ADAMTS17: variants seen among roughly 807,000 people sequenced by gnomAD.
The protein encoded by ADAMTS17 is ADAM metallopeptidase with thrombospondin type 1 motif 17, also known as A disintegrin and metalloproteinase with thrombospondin motifs 17.
ADAMTS17 carries 113 observed loss-of-function variants against 141.5 expected under a neutral mutation model. The observed-to-expected ratio is 0.80, with a 90% CI of 0.69 to 0.93. The LOEUF (loss-of-function observed/expected upper bound fraction) is 0.93, where lower values mean the gene tolerates loss of function less well. ADAMTS17 is among the 40% of genes least tolerant of loss of function. The probability of loss-of-function intolerance (pLI) is 0.00; values close to 1 mark genes in which losing one functional copy is unlikely to be tolerated. For missense variants in ADAMTS17, 1,659 were observed against 1,517.9 expected, an observed-to-expected ratio of 1.09 and a Z score of -1.54; for synonymous variants, 768 against 630.6, an observed-to-expected ratio of 1.22 and a Z score of -3.27.
At chr15:100,199,467 G>T in intron 7 of ADAMTS17, 44 bp from the exon 8 acceptor site, 1 of 1,563,296 alleles carries the variant, frequency 6.4e-7, no homozygotes, top group Non-Finnish European at 8.8e-7. Flanking sequence ...AACGTGGGAG[G>T]CCCTGGTCTC....
In ADAMTS17 at chr15:99,993,697, G is replaced by A. The variant is rs1322703563; in HGVS notation, c.2797-497C>T. 6.6e-6 allele frequency among the ~76,000 whole-genome samples: 1 copy of A among 152,218 alleles called. No homozygotes were observed. The highest frequency in any genetic ancestry group is 1.5e-5 in the Non-Finnish European group (1 of 68,048). ...CTCCTCGATCCAGCCGGGAGAAGGA[G>A]GAGGAGGCGGCAGAAGGAAGGAAAA... On this transcript the variant is annotated intron_variant, in intron 19 of 21. Transcript: ENST00000268070. This position sits in a 1 kb window ranked among gnomAD's most constrained non-coding sequence, Gnocchi z 4.3.
chr15:100,271,321 C>T (rs1462438337), intron 4 of ADAMTS17, among the ~76,000 whole-genome samples: 1 of 152,122 alleles, frequency 6.6e-6, no homozygotes, highest in African/African-American at 2.4e-5. Flanking sequence ...GGAATCATAC[C>T]ATTTTCTATA....
intron 10 of ADAMTS17, among the ~76,000 whole-genome samples, chr15:100,136,640 T>C (rs750569291): frequency 2.0e-5 from 3 of 152,164 alleles, no homozygotes; most frequent in Non-Finnish European, 4.4e-5. Flanking sequence ...AGGAGGTCAA[T>C]GTTTGTGAAG....
At chr15:100,242,469 T>G (rs1015201397) in intron 7 of ADAMTS17, among the ~76,000 whole-genome samples, 1 of 152,140 alleles carries the variant, frequency 6.6e-6, no homozygotes, top group Non-Finnish European at 1.5e-5. Flanking sequence ...CACCCTAATC[T>G]CTACTGGCAT....
chr15:100,242,752 G>A (rs1406769666), intron 7 of ADAMTS17, among the ~76,000 whole-genome samples: 2 of 152,176 alleles, frequency 1.3e-5, no homozygotes, highest in African/African-American at 4.8e-5. Context: ...AAATCTCAAA[G>A]AAGTGCTAGA....
chr15:100,179,323 G>A (rs1410290926), intron 8 of ADAMTS17, among the ~76,000 whole-genome samples: 1 of 152,142 alleles, frequency 6.6e-6, no homozygotes, highest in Non-Finnish European at 1.5e-5. Flanking sequence ...AACATGTGAA[G>A]TTCGTATTTC....
intron 14 of ADAMTS17, among the ~76,000 whole-genome samples, chr15:100,108,776 T>C (rs1375184113): frequency 6.6e-6 from 1 of 152,172 alleles, no homozygotes; most frequent in Non-Finnish European, 1.5e-5. Flanking sequence ...TCTTTCCACC[T>C]CCACTCCTTG....
At chr15:100,216,144 T>C (rs1357202858) in intron 7 of ADAMTS17, among the ~76,000 whole-genome samples, 11 of 152,198 alleles carry the variant, frequency 7.2e-5, no homozygotes, top group Admixed American at 7.2e-4. Context: ...TGTGCCCCCT[T>C]TTGTAAGATG....
At chr15:100,045,831 T>C (rs554965187) in intron 18 of ADAMTS17, among the ~76,000 whole-genome samples, 1 of 152,332 alleles carries the variant, frequency 6.6e-6, no homozygotes, top group South Asian at 2.1e-4. Flanking sequence ...TGCCATTCTA[T>C]TCCTCCATTT....
chr15:100,183,709 GTTA>G (rs2040605208), intron 8 of ADAMTS17, among the ~76,000 whole-genome samples: 1 of 152,118 alleles, frequency 6.6e-6, no homozygotes, highest in African/African-American at 2.4e-5. Context: ...GAATACTTTG[GTTA>G]TTATATTAGG....
chr15:100,195,295 T>C (rs926375918), intron 8 of ADAMTS17, among the ~76,000 whole-genome samples: 1 of 152,162 alleles, frequency 6.6e-6, no homozygotes, highest in Non-Finnish European at 1.5e-5. Context: ...GGCTGGGAAG[T>C]CTTCTGCAGC....
chr15:100,308,032 C>A (rs1300028062), intron 3 of ADAMTS17, among the ~76,000 whole-genome samples: 1 of 152,242 alleles, frequency 6.6e-6, no homozygotes, highest in Non-Finnish European at 1.5e-5. Flanking sequence ...AGAATTTACT[C>A]CAGCTTCCTT....
chr15:100,046,889 G>A (rs1270036078), intron 18 of ADAMTS17, among the ~76,000 whole-genome samples: 2 of 152,164 alleles, frequency 1.3e-5, no homozygotes, highest in African/African-American at 2.4e-5. Context: ...AAAAAGAACA[G>A]GATAACAGCA....
At chr15:100,218,289 C>A (rs1386398130) in intron 7 of ADAMTS17, among the ~76,000 whole-genome samples, 3 of 152,204 alleles carry the variant, frequency 2.0e-5, no homozygotes, top group African/African-American at 7.2e-5. Context: ...AAACATACTG[C>A]ACCCCATAAA....
chr15:100,152,025 C>T (rs905075686), intron 10 of ADAMTS17, among the ~76,000 whole-genome samples: 6 of 152,214 alleles, frequency 3.9e-5, no homozygotes, highest in African/African-American at 4.8e-5. Context: ...GACAGGATCT[C>T]GGGAGCCATG....
rs148252236 is a variant in ADAMTS17, at chr15:100,043,768, A to G, written c.2591+5089T>C. On this transcript the variant is annotated intron_variant, in intron 18 of 21. Coordinates refer to ENST00000268070, the MANE Select transcript of ADAMTS17 (RefSeq NM_139057.4). ...GATGAAGTTTGCTGACCCCTGTTCT[A>G]CGGAGATACTAAGAACTTGCTTCTG... 2.7e-3 allele frequency among the ~76,000 whole-genome samples: 410 copies of G among 152,378 alleles called. 2 individuals are homozygous for G. Among genetic ancestry groups the G allele is most frequent in the African/African-American group, 9.4e-3 (389 of 41,594 alleles).
intron 6 of ADAMTS17, chr15:100,257,172 C>T (rs574660957): frequency 3.3e-5 from 5 of 152,344 alleles, no homozygotes; most frequent in South Asian, 4.1e-4. Context: ...CAGCCAGGCC[C>T]GTGCAGCCTC....
chr15:100,334,223 C>T (rs1022890322), intron 2 of ADAMTS17, among the ~76,000 whole-genome samples: 2 of 152,208 alleles, frequency 1.3e-5, no homozygotes, highest in African/African-American at 2.4e-5. Context: ...TTTTTATCAC[C>T]TAACGTTAGC....
intron 18 of ADAMTS17, among the ~76,000 whole-genome samples, chr15:100,041,144 T>C (rs1050464857): frequency 6.6e-6 from 1 of 152,158 alleles, no homozygotes; most frequent in Non-Finnish European, 1.5e-5. Context: ...TAACCCCAAA[T>C]AAGGCCAGCC....
Sources: allele counts gnomAD v4.1 joint callset (sites outside exome capture counted in the v4.1 genomes callset), GRCh38; gene constraint gnomAD v4.1.1; non-coding constraint Gnocchi (gnomAD v3.1); transcripts MANE v1.5; gene names NCBI Gene and HGNC (gene_info 2026-07-23, HGNC 2026-07-21).